PCNX4: variants seen among roughly 807,000 people sequenced by gnomAD.
PCNX4 encodes pecanex-like protein 4.
PCNX4 carries 103 observed loss-of-function variants against 107.2 expected under a neutral mutation model. The observed-to-expected ratio is 0.96, with a 90% CI of 0.82 to 1.13. PCNX4 has a LOEUF of 1.13. Among genes scored for constraint, PCNX4 ranks in the 50% most tolerant of loss-of-function variants. PCNX4 has a pLI of 0.00. For synonymous variants in PCNX4, 541 were observed against 481.7 expected, an observed-to-expected ratio of 1.12 and a Z score of -1.61; for missense variants, 1,528 against 1,379.4, an observed-to-expected ratio of 1.11 and a Z score of -1.71.
Position 60,115,819 on chromosome 14 carries a change from G to A in PCNX4, c.1458G>A (p.Met486Ile), listed in dbSNP as rs1228714397. 6.2e-7 allele frequency: 1 copy of A among 1,607,682 alleles called. No individual in the cohort carries two copies. Among genetic ancestry groups the A allele is most frequent in the Non-Finnish European group, 8.5e-7 (1 of 1,175,056 alleles). ...VCIGFTRAFRMVWQNTENALL... is the reference protein window; with the variant it reads ...VCIGFTRAFRIVWQNTENALL... The stretch of plus-strand genomic sequence containing the variant: ...TTGGATTCACAAGAGCCTTTAGAAT[G>A]GTAATCCTAATATGTGTTTAATAGT... The change falls in exon 5 of 11, where the codon ATG becomes ATA. Residue 486 changes from methionine (M) to isoleucine (I), a missense_variant and splice_region_variant. By Grantham distance (10) the Met-to-Ile change is conservative. Coordinates refer to ENST00000406854, the MANE Select transcript of PCNX4 (RefSeq NM_001330177.2).
At chr14:60,122,734 A>G (rs1895978916) in intron 8 of PCNX4, among the ~76,000 whole-genome samples, 1 of 152,212 alleles carries the variant, frequency 6.6e-6, no homozygotes, top group East Asian at 1.9e-4. Flanking sequence ...GTTTTTATTC[A>G]GGAATACATC....
chr14:60,112,963 A>T (rs889124671), intron 2 of PCNX4, among the ~76,000 whole-genome samples: 4 of 152,100 alleles, frequency 2.6e-5, no homozygotes, highest in Non-Finnish European at 4.4e-5. Context: ...GCAGGCGGAT[A>T]ACGAGGTCAA....
intron 1 of PCNX4, among the ~76,000 whole-genome samples, chr14:60,103,555 C>T (rs903119966): frequency 6.6e-6 from 1 of 152,188 alleles, no homozygotes; most frequent in Non-Finnish European, 1.5e-5. Context: ...TCAGTGTTCT[C>T]TCCCATGCTT....
In PCNX4 at chr14:60,115,939, A is replaced by T; in HGVS notation, c.1459-2A>T. On this transcript the variant is annotated splice_acceptor_variant, in intron 5 of 10. Coordinates refer to ENST00000406854, the MANE Select transcript of PCNX4 (RefSeq NM_001330177.2). LOFTEE classifies it high-confidence loss of function. ...TAAAAATGGATAATTTGTATACTGC[A>T]GGTATGGCAGAATACAGAAAATGCT... 1 of 1,607,914 alleles carries T rather than the reference A, an allele frequency of 6.2e-7. No individual in the cohort carries two copies. Among genetic ancestry groups the T allele is most frequent in the Non-Finnish European group, 8.5e-7 (1 of 1,176,144 alleles).
intron 10 of PCNX4, among the ~76,000 whole-genome samples, chr14:60,128,773 A>G (rs1387638789): frequency 1.3e-5 from 2 of 152,390 alleles, no homozygotes; most frequent in Non-Finnish European, 2.9e-5. Context: ...TGTTGGGTCT[A>G]TAACATATAG....
chr14:60,122,554 C>T (rs1369879123), intron 8 of PCNX4, among the ~76,000 whole-genome samples: 2 of 152,060 alleles, frequency 1.3e-5, no homozygotes, highest in South Asian at 2.1e-4. Context: ...TAAAATTACA[C>T]TCCCACTCTT....
rs759990386 is a variant in PCNX4 at position 60,115,354 on chromosome 14, T to C, written c.1250T>C (p.Phe417Ser). ...EIQSVYIIGIFRNPFYPKDVQ... is the reference protein window; with the variant it reads ...EIQSVYIIGISRNPFYPKDVQ... ...CAAAGCGTATATATCATTGGAATTT[T>C]CCGAAATCCCTTTTATCCGAAGGAT... The change falls in exon 4 of 11, where the codon TTC (phenylalanine) becomes TCC (serine). Residue 417 changes from phenylalanine (F) to serine (S), a missense_variant. By Grantham distance (155) the Phe-to-Ser change is radical. Transcript: ENST00000406854. 6 of 1,604,846 alleles carry C rather than the reference T, an allele frequency of 3.7e-6. No individual in the cohort carries two copies. The African/African-American group carries it at 5.4e-5, about 14-fold the overall frequency.
chr14:60,135,996 A>T lies in PCNX4; in HGVS notation c.*1775A>T, dbSNP rs932674719. On this transcript the variant is annotated 3_prime_UTR_variant, in exon 11 of 11. Transcript: ENST00000406854. Reference sequence around the variant, plus strand: ...AAGCTATGCCTTCGCTTAACCTTGCATCCTCCTCAAAGTGCTCCCATATCT... The same window carrying T: ...AAGCTATGCCTTCGCTTAACCTTGCTTCCTCCTCAAAGTGCTCCCATATCT... The T allele has an allele frequency of 1.3e-5, 2 of 152,048 alleles. No homozygotes were observed. The highest frequency in any genetic ancestry group is 4.8e-5 in the African/African-American group (2 of 41,374). The allele number at this position is 152,048 out of a possible 1,614,324, so 9.4% of individuals were successfully genotyped here.
chr14:60,130,578 G>A (rs1445807551), intron 10 of PCNX4, among the ~76,000 whole-genome samples: 1 of 152,036 alleles, frequency 6.6e-6, no homozygotes, highest in African/African-American at 2.4e-5. Context: ...CTAGCCAGGT[G>A]GTATGGACTG....
intron 2 of PCNX4, among the ~76,000 whole-genome samples, chr14:60,114,179 G>T (rs182816583): frequency 6.6e-6 from 1 of 152,206 alleles, no homozygotes; most frequent in Non-Finnish European, 1.5e-5. Flanking sequence ...ACAAGACAAA[G>T]AGGAAGAGAA....
Position 60,121,181 on chromosome 14 carries a change from T to TTTTTTTTTTTTTTTTC in PCNX4, c.1943-15_1943-14insTTTTTTTTTTTTTTTC. ...ATTTTCTTTTTTTTTTTTTTTTTTT[T>TTTTTTTTTTTTTTTTC]CTAATTTGTTGTAGGTCTCCTCCTA... On this transcript the variant is annotated splice_polypyrimidine_tract_variant and intron_variant, in intron 7 of 10. Coordinates refer to ENST00000406854, the MANE Select transcript of PCNX4 (RefSeq NM_001330177.2). The TTTTTTTTTTTTTTTTC allele has an allele frequency of 6.6e-7, 1 of 1,523,418 alleles. No individual in the cohort carries two copies. The highest frequency in any genetic ancestry group is 2.3e-5 in the Admixed American group (1 of 43,420). The allele number at this position is 1,523,418 out of a possible 1,614,324, so 94.4% of individuals were successfully genotyped here. A position where few individuals can be genotyped will look rare whatever the true frequency, so the allele number is the denominator to read the frequency against.
chr14:60,123,653 A>G (rs189758870), intron 8 of PCNX4, among the ~76,000 whole-genome samples: 63 of 152,290 alleles, frequency 4.1e-4, no homozygotes, highest in African/African-American at 1.4e-3. Flanking sequence ...TATTTGTTGC[A>G]TACCCACTGT....
In PCNX4 at chr14:60,137,585, T is replaced by C. The variant is rs1654785670; in HGVS notation, c.*3364T>C. The stretch of plus-strand genomic sequence containing the variant: ...AGGTATCTGAGGAAACAAGACAACA[T>C]GATGAAAATCCGAAAGAAGCGACAG... On this transcript the variant is annotated 3_prime_UTR_variant, in exon 11 of 11. Coordinates refer to ENST00000406854, the MANE Select transcript of PCNX4 (RefSeq NM_001330177.2). 6.6e-6 allele frequency: 1 copy of C among 152,172 alleles called. No homozygotes were observed. Among genetic ancestry groups the C allele is most frequent in the African/African-American group, 2.4e-5 (1 of 41,414 alleles). The allele number at this position is 152,172 out of a possible 1,614,324, so 9.4% of individuals were successfully genotyped here. A position where few individuals can be genotyped will look rare whatever the true frequency, so the allele number is the denominator to read the frequency against.
In PCNX4 at chr14:60,092,348, A is replaced by C. The variant is rs1229478378; in HGVS notation, c.-125A>C. The C allele has an allele frequency of 5.3e-5, 8 of 152,268 alleles. No individual in the cohort carries two copies. Among genetic ancestry groups the C allele is most frequent in the Admixed American group, 5.2e-4 (8 of 15,290 alleles). The allele number at this position is 152,268 out of a possible 1,614,324, so 9.4% of individuals were successfully genotyped here. On this transcript the variant is annotated 5_prime_UTR_variant, in exon 1 of 11. Coordinates refer to ENST00000406854, the MANE Select transcript of PCNX4 (RefSeq NM_001330177.2). ...AACCAACCTCCCGGCGGGAGCGCCC[A>C]GCCCGAGTTTACCTGCAAAAATGCG...
chr14:60,132,634 G>A lies in PCNX4; in HGVS notation c.3268-1336G>A, dbSNP rs577832253. Among the ~76,000 whole-genome samples, 4 of 151,940 alleles carry A rather than the reference G, an allele frequency of 2.6e-5. No individual in the cohort carries two copies. In the East Asian group the frequency reaches 7.7e-4, roughly 29 times the overall value. On this transcript the variant is annotated intron_variant, in intron 10 of 10. Transcript: ENST00000406854. ...GACTTCATCAAAAGTAAAAACTTCT[G>A]TTCCTCAAAGGACACCATCAAAAAA...
chr14:60,108,244 C>T lies in PCNX4; in HGVS notation c.606C>T (p.Phe202=), dbSNP rs545074971. 4 of 1,612,688 alleles carry T rather than the reference C, an allele frequency of 2.5e-6. No individual in the cohort carries two copies. In the East Asian group the frequency reaches 6.7e-5, roughly 27 times the overall value. Residue 202 remains phenylalanine, a synonymous_variant, in exon 2 of 11, where the codon TTC becomes TTT. Transcript: ENST00000406854. The part of the protein sequence containing the change: ...IVNTATETAT[F]QTQDTYEIIP... The stretch of plus-strand genomic sequence containing the variant: ...ACACAGCTACAGAGACTGCGACTTT[C>T]CAAACACAGGATACTTATGAAATTA...
rs1896257020 is a variant in PCNX4, at chr14:60,137,823, C to G, written c.*3602C>G. 6.6e-6 allele frequency: 1 copy of G among 152,208 alleles called. No homozygotes were observed. The highest frequency in any genetic ancestry group is 6.5e-5 in the Admixed American group (1 of 15,278). 9.4% of individuals were successfully genotyped at this position (152,208 alleles called of 1,614,324 possible). A position where few individuals can be genotyped will look rare whatever the true frequency, so the allele number is the denominator to read the frequency against. On this transcript the variant is annotated 3_prime_UTR_variant, in exon 11 of 11. Coordinates refer to ENST00000406854, the MANE Select transcript of PCNX4 (RefSeq NM_001330177.2). ...TCAGTGAATAGGCCGGGCGCGGTGG[C>G]TCACGCCTGTAATCCCAGCACTTTG...
chr14:60,141,576 A>C lies in PCNX4; in HGVS notation c.*7355A>C, dbSNP rs1340112205. ...AACTATTAAAACTCAACCAAGATGA[A>C]ATAATCTGAATATCCTATAACCATT... On this transcript the variant is annotated 3_prime_UTR_variant, in exon 11 of 11. Transcript: ENST00000406854. 6.6e-6 allele frequency: 1 copy of C among 152,244 alleles called. No individual in the cohort carries two copies. The allele number at this position is 152,244 out of a possible 1,614,324, so 9.4% of individuals were successfully genotyped here.
chr14:60,126,084 C>A, intron 10 of PCNX4: 1 of 253,936 alleles, frequency 3.9e-6, no homozygotes, highest in Non-Finnish European at 7.5e-6. Context: ...TATAAGAGAG[C>A]TAAGTATGTG....
Sources: gnomAD v4.1 joint callset for allele counts (sites outside exome capture counted in the v4.1 genomes callset) on GRCh38, gnomAD v4.1.1 for gene constraint, MANE v1.5 for transcripts, NCBI Gene and HGNC (gene_info 2026-07-23, HGNC 2026-07-21) for gene names.